The following FAXDC2 variants were observed in gnomAD, a reference collection of about 807,000 sequenced individuals.
FAXDC2 encodes fatty acid hydroxylase domain containing 2.
Under a neutral mutation model 40.9 loss-of-function variants are expected in FAXDC2, and 41 were observed. The observed-to-expected ratio is 1.00, with a 90% CI of 0.78 to 1.30. FAXDC2 has a LOEUF of 1.30. FAXDC2 is among the 50% of genes most tolerant of loss of function. The probability of loss-of-function intolerance (pLI) is 0.00; values close to 1 mark genes in which losing one functional copy is unlikely to be tolerated. For missense variants in FAXDC2, 390 were observed against 408.8 expected (o/e 0.95, Z 0.40); for synonymous variants, 157 against 149.3 (o/e 1.05, Z -0.38).
At position 154,831,468 on chromosome 5, in the gene FAXDC2, A is replaced by T. The variant is rs562541913; in HGVS notation, c.245-546T>A. Among the ~76,000 whole-genome samples the T allele has an allele frequency of 3.3e-5, 5 of 149,806 alleles. No individual in the cohort carries two copies. The South Asian group carries it at 1.1e-3, about 32-fold the overall frequency. Reference sequence around the variant, plus strand: ...TGTTGTTTGTTTGTTTGTTTTTTTGAGACAAAGCCTCTCTCTGTCATCCAG... The same window carrying T: ...TGTTGTTTGTTTGTTTGTTTTTTTGTGACAAAGCCTCTCTCTGTCATCCAG... On this transcript the variant is annotated intron_variant, in intron 4 of 8. Transcript: ENST00000326080.
Position 154,822,570 on chromosome 5 carries a change from G to A in FAXDC2, c.580C>T (p.His194Tyr). 3 of 1,613,132 alleles carry A rather than the reference G, an allele frequency of 1.9e-6. No homozygotes were observed. The highest frequency in any genetic ancestry group is 2.5e-6 in the Non-Finnish European group (3 of 1,179,100). ...ATTTTCTTGTAGAATGTTGGGTGGT[G>A]AAGGAGCCTGGGGAAATAGTTAATA... The part of the protein sequence containing the change: ...VLFYYSHRLL[H>Y]HPTFYKKIHK... Residue 194 changes from histidine (H) to tyrosine (Y), a missense_variant, in exon 7 of 9, where the codon CAC becomes TAC. Coordinates refer to ENST00000326080, the MANE Select transcript of FAXDC2 (RefSeq NM_032385.5).
At chr5:154,848,317 G>T (rs887247728) in intron 1 of FAXDC2, among the ~76,000 whole-genome samples, 6 of 152,212 alleles carry the variant, frequency 3.9e-5, no homozygotes, top group Non-Finnish European at 7.3e-5. Context: ...GCCCTAGTTA[G>T]TAGAAATGAC....
intron 8 of FAXDC2, chr5:154,820,961 TC>T (rs1436274783): frequency 2.3e-5 from 8 of 349,170 alleles, no homozygotes; most frequent in Non-Finnish European, 3.8e-5. Flanking sequence ...ATACATGACT[TC>T]CTTGTGATTG....
chr5:154,834,563 A>G (rs1485869210), intron 4 of FAXDC2, 62 bp downstream of exon 4: 1 of 1,208,574 alleles, frequency 8.3e-7, no homozygotes, highest in Non-Finnish European at 1.2e-6. Context: ...ACAAAACAAC[A>G]AAAAGAATTA....
intron 4 of FAXDC2, among the ~76,000 whole-genome samples, chr5:154,832,020 C>G (rs985442390): frequency 2.6e-5 from 4 of 151,962 alleles, no homozygotes; most frequent in Non-Finnish European, 5.9e-5. Context: ...TACCTACAAT[C>G]TATTCAATGA....
In FAXDC2 at chr5:154,819,953, C is replaced by A; in HGVS notation, c.*363G>T. 6.0e-6 allele frequency: 1 copy of A among 166,784 alleles called. No individual in the cohort carries two copies. 10.3% of individuals were successfully genotyped at this position (166,784 alleles called of 1,614,324 possible). ...GAGCCAGGCAGCCTCCAGTCCCCCT[C>A]CTTTCAGCCTTGTCATTCTCTGCAT... On this transcript the variant is annotated 3_prime_UTR_variant, in exon 9 of 9. Transcript: ENST00000326080.
At chr5:154,836,150 A>G (rs1760343124) in intron 2 of FAXDC2, 1 of 151,940 alleles carries the variant, frequency 6.6e-6, no homozygotes, top group East Asian at 1.9e-4. Context: ...CACCTGCCCC[A>G]TCCTCCCAAA....
chr5:154,830,115 G>C (rs1226046295), intron 5 of FAXDC2, among the ~76,000 whole-genome samples: 1 of 152,186 alleles, frequency 6.6e-6, no homozygotes, highest in Non-Finnish European at 1.5e-5. Context: ...AAGAAGCCAG[G>C]ATGTGGTTTG....
Position 154,821,408 on chromosome 5 carries a change from C to T in FAXDC2, c.697G>A (p.Val233Met). The part of the protein sequence containing the change: ...IEHAVSNMLP[V>M]IVGPLVMGSH... ...CCCATTACTAATGGGCCCACTATCA[C>T]CGGTAGCATGTTGGAGACCTGCAAG... The change falls in exon 8 of 9, where the codon GTG (valine) becomes ATG (methionine). Residue 233 changes from valine (V) to methionine (M), a missense_variant. Transcript: ENST00000326080. 1 of 1,611,672 alleles carries T rather than the reference C, an allele frequency of 6.2e-7. No homozygotes were observed. Among genetic ancestry groups the T allele is most frequent in the Non-Finnish European group, 8.5e-7 (1 of 1,179,062 alleles).
intron 1 of FAXDC2, among the ~76,000 whole-genome samples, chr5:154,844,160 G>A (rs1217170863): frequency 2.0e-5 from 3 of 151,898 alleles, no homozygotes; most frequent in Non-Finnish European, 4.4e-5. Flanking sequence ...GGAGTCTGTA[G>A]TGAGTCGAGA....
At chr5:154,845,860 A>C (rs1760586614) in intron 1 of FAXDC2, among the ~76,000 whole-genome samples, 1 of 149,740 alleles carries the variant, frequency 6.7e-6, no homozygotes, top group African/African-American at 2.5e-5. Flanking sequence ...ATCTCGGCTC[A>C]CTGCAACCTC....
rs1406015854 is a variant in FAXDC2, at chr5:154,834,907, T to C, written c.76A>G (p.Arg26Gly). The C allele has an allele frequency of 6.2e-7, 1 of 1,605,656 alleles. No homozygotes were observed. Among genetic ancestry groups the C allele is most frequent in the Non-Finnish European group, 8.5e-7 (1 of 1,175,510 alleles). ...QEGHIWGSMRRTAFILGSGLL... is the reference protein window; with the variant it reads ...QEGHIWGSMRGTAFILGSGLL... ...CCAGAGCCCAGGATGAAAGCTGTCC[T>C]CCTCATAGAGCCCCAGATGTGTCCC... Residue 26 changes from arginine (R) to glycine (G), a missense_variant, in exon 3 of 9, where the codon AGG becomes GGG. By Grantham distance (125) the Arg-to-Gly change is moderately radical. Transcript: ENST00000326080.
intron 1 of FAXDC2, among the ~76,000 whole-genome samples, chr5:154,847,124 G>A (rs1760618069): frequency 2.0e-5 from 3 of 151,736 alleles, no homozygotes; most frequent in South Asian, 4.2e-4. Flanking sequence ...CCACCATGCC[G>A]GCGAATTTTT....
chr5:154,842,837 T>A (rs528486661), intron 1 of FAXDC2, among the ~76,000 whole-genome samples: 3 of 149,676 alleles, frequency 2.0e-5, no homozygotes, highest in South Asian at 4.2e-4. Flanking sequence ...GCCCTTTTTT[T>A]TTAAAAAAAA....
chr5:154,831,459 G>GT (rs910145567), intron 4 of FAXDC2, among the ~76,000 whole-genome samples: 8 of 151,370 alleles, frequency 5.3e-5, no homozygotes, highest in African/African-American at 1.9e-4. Flanking sequence ...TTGTTTGTTT[G>GT]TTTTTTTGAG....
At chr5:154,839,356 T>G (rs1582536841) in intron 1 of FAXDC2, among the ~76,000 whole-genome samples, 1 of 148,230 alleles carries the variant, frequency 6.7e-6, no homozygotes, top group Admixed American at 6.7e-5. Flanking sequence ...AAGAAATACG[T>G]CTGAGGCTGG....
chr5:154,821,394 TG>T lies in FAXDC2; in HGVS notation c.710del (p.Pro237HisfsTer2), dbSNP rs1256066210. The T allele has an allele frequency of 1.9e-6, 3 of 1,612,530 alleles. No homozygotes were observed. In the African/African-American group the frequency reaches 4.0e-5, roughly 22 times the overall value. The stretch of plus-strand genomic sequence containing the variant: ...AGGACAAGTGGGAGCCCATTACTAA[TG>T]GGCCCACTATCACCGGTAGCATGTT... Reference protein sequence around the residue: ...VSNMLPVIVGPLVMGSHLSSI... With the variant: ...VSNMLPVIVGXLVMGSHLSSI... On this transcript the variant is annotated frameshift_variant, in exon 8 of 9. Transcript: ENST00000326080. LOFTEE classifies it high-confidence loss of function.
chr5:154,832,434 C>T (rs1464187537), intron 4 of FAXDC2, among the ~76,000 whole-genome samples: 1 of 152,166 alleles, frequency 6.6e-6, no homozygotes, highest in Non-Finnish European at 1.5e-5. Context: ...ATCTCCTGAC[C>T]TCATGATCCG....
rs765627994 is a variant in FAXDC2 at position 154,822,485 on chromosome 5, G to T, written c.665C>A (p.Pro222His). 2 of 1,610,936 alleles carry T rather than the reference G, an allele frequency of 1.2e-6. No individual in the cohort carries two copies. The highest frequency in any genetic ancestry group is 1.7e-6 in the Non-Finnish European group (2 of 1,177,188). ...AGCTCTACTCACTGCATGCTCTATA[G>T]GGTGGGCATAGAGAGAGATCACGCC... ...PIGVISLYAHPIEHAVSNMLP... is the reference protein window; with the variant it reads ...PIGVISLYAHHIEHAVSNMLP... Residue 222 changes from proline (P) to histidine (H), a missense_variant, in exon 7 of 9, where the codon CCT (proline) becomes CAT (histidine). Physicochemically the swap from Pro to His is moderately conservative, Grantham distance 77. Transcript: ENST00000326080.
Sources: allele counts gnomAD v4.1 joint callset (sites outside exome capture counted in the v4.1 genomes callset), GRCh38; gene constraint gnomAD v4.1.1; transcripts MANE v1.5; gene names NCBI Gene and HGNC (gene_info 2026-07-23, HGNC 2026-07-21).